The following IL1RAPL2 variants were observed in gnomAD, a reference collection of about 807,000 sequenced individuals.
The protein encoded by IL1RAPL2 is X-linked interleukin-1 receptor accessory protein-like 2.
In IL1RAPL2, 3 loss-of-function variants were observed where a neutral mutation model predicts 44.1. That is an observed-to-expected ratio of 0.07 (90% CI 0.03 to 0.18). The LOEUF is 0.18. IL1RAPL2 is among the 10% of genes least tolerant of loss of function. IL1RAPL2 has a pLI of 1.00. For synonymous variants in IL1RAPL2, 181 were observed against 178.8 expected, an observed-to-expected ratio of 1.01 and a Z score of -0.10; for missense variants, 391 against 496.4, an observed-to-expected ratio of 0.79 and a Z score of 2.02.
At chrX:105,717,564 A>G in intron 7 of IL1RAPL2, 68 bp downstream of exon 7, 1 of 1,008,487 alleles carries the variant, frequency 9.9e-7, no homozygotes, top group Non-Finnish European at 1.3e-6. Flanking sequence ...TTTAATTGCA[A>G]CTCCAAATCA....
intron 1 of IL1RAPL2, among the ~76,000 whole-genome samples, chrX:104,635,493 A>G (rs965907196): frequency 9.0e-6 from 1 of 111,716 alleles, no homozygotes; most frequent in Non-Finnish European, 1.9e-5. Context: ...TCAGACGTAG[A>G]TTTAATCTTT....
intron 2 of IL1RAPL2, among the ~76,000 whole-genome samples, chrX:104,737,070 A>G (rs1025051479): frequency 8.9e-6 from 1 of 112,576 alleles, no homozygotes; most frequent in Non-Finnish European, 1.9e-5. Context: ...AATCAACGTC[A>G]TCCAGAACCA....
intron 6 of IL1RAPL2, among the ~76,000 whole-genome samples, chrX:105,536,783 A>T (rs1052896304): frequency 8.9e-6 from 1 of 112,114 alleles, no homozygotes; most frequent in Non-Finnish European, 1.9e-5. Context: ...GATGTATGAA[A>T]AATCATATTT....
intron 2 of IL1RAPL2, among the ~76,000 whole-genome samples, chrX:104,787,406 C>T (rs189112664): frequency 3.7e-3 from 412 of 111,174 alleles, no homozygotes; most frequent in African/African-American, 0.013. Flanking sequence ...TGGGCTAAGT[C>T]TTTACTTTGT....
At chrX:105,013,427 A>T (rs1234463159) in intron 2 of IL1RAPL2, among the ~76,000 whole-genome samples, 1 of 110,630 alleles carries the variant, frequency 9.0e-6, no homozygotes, top group Non-Finnish European at 1.9e-5. Context: ...ATGTAGAGGA[A>T]CTGCATTGAA....
chrX:105,479,593 GC>G (rs2036220638), intron 5 of IL1RAPL2, among the ~76,000 whole-genome samples: 1 of 108,751 alleles, frequency 9.2e-6, no homozygotes, highest in Non-Finnish European at 1.9e-5. Flanking sequence ...TACAAAATTA[GC>G]CGGGCGTGGT....
At chrX:105,049,123 A>C (rs2031882553) in intron 2 of IL1RAPL2, among the ~76,000 whole-genome samples, 1 of 109,925 alleles carries the variant, frequency 9.1e-6, no homozygotes, top group Non-Finnish European at 1.9e-5. Flanking sequence ...AGAGTACTGA[A>C]AATTCAGTCA....
chrX:104,915,728 C>G (rs977172410), intron 2 of IL1RAPL2, among the ~76,000 whole-genome samples: 22 of 111,693 alleles, frequency 2.0e-4, no homozygotes, highest in Admixed American at 1.0e-3. Context: ...TTTAATCCAT[C>G]TTGAGTTAAT....
chrX:104,901,702 C>A (rs1923823727), intron 2 of IL1RAPL2, among the ~76,000 whole-genome samples: 2 of 111,224 alleles, frequency 1.8e-5, no homozygotes, highest in African/African-American at 3.3e-5. Flanking sequence ...ACAAGAAAGA[C>A]CTGGTTTCAA....
intron 2 of IL1RAPL2, among the ~76,000 whole-genome samples, chrX:104,860,972 T>C (rs1922476485): frequency 1.8e-5 from 2 of 111,369 alleles, no homozygotes; most frequent in Non-Finnish European, 3.8e-5. Context: ...TTTGACTTTG[T>C]CCTTGGTGCA....
At chrX:104,814,894 G>A (rs759715866) in intron 2 of IL1RAPL2, among the ~76,000 whole-genome samples, 10 of 111,961 alleles carry the variant, frequency 8.9e-5, no homozygotes, top group Non-Finnish European at 1.9e-4. Flanking sequence ...AATAATAGGG[G>A]AGGACAGCAA....
intron 4 of IL1RAPL2, among the ~76,000 whole-genome samples, chrX:105,261,478 T>A (rs777047005): frequency 2.7e-5 from 3 of 110,530 alleles, no homozygotes; most frequent in African/African-American, 1.0e-4. Flanking sequence ...CAGGCTGTTT[T>A]TTTGTTTGTT....
chrX:105,633,138 A>G (rs1192729799), intron 6 of IL1RAPL2, among the ~76,000 whole-genome samples: 2 of 112,010 alleles, frequency 1.8e-5, no homozygotes. Context: ...CTGCTTCTAC[A>G]TTCCCATTTT....
chrX:105,174,445 AGCAGGGAGG>A (rs2033454015), intron 2 of IL1RAPL2, among the ~76,000 whole-genome samples: 1 of 111,167 alleles, frequency 9.0e-6, no homozygotes, highest in Admixed American at 9.6e-5. Context: ...TTTTCCTTTG[AGCAGGGAGG>A]GCAGGGAGGG....
chrX:105,393,253 C>T (rs765184803), intron 5 of IL1RAPL2, among the ~76,000 whole-genome samples: 106 of 109,765 alleles, frequency 9.7e-4, no homozygotes, highest in African/African-American at 3.4e-3. Flanking sequence ...TGCACTGAGT[C>T]GTCTTCTGGG....
intron 6 of IL1RAPL2, among the ~76,000 whole-genome samples, chrX:105,714,247 C>G (rs1195331542): frequency 2.7e-5 from 3 of 111,844 alleles, no homozygotes; most frequent in African/African-American, 6.5e-5. Flanking sequence ...AAAGATCAGA[C>G]TTTCCCTACA....
At chrX:105,307,334 G>A (rs2034747505) in intron 5 of IL1RAPL2, among the ~76,000 whole-genome samples, 1 of 91,855 alleles carries the variant, frequency 1.1e-5, no homozygotes, top group East Asian at 3.5e-4. Context: ...TACTTGGGAA[G>A]CTGAGGAGGG....
rs1387907561 is a variant in IL1RAPL2, at chrX:104,582,596, T to TTCTTTCTTTCTTTC, written c.-20+15546_-20+15547insCTTTCTTTCTTTCT. ...TCTTTCTTTTTCTTTCTTTCTTTCTTTTTCTTTCTTTCTTTCTTTCTTTCT... is the reference window on the plus strand; with the variant it reads ...TCTTTCTTTTTCTTTCTTTCTTTCTTTCTTTCTTTCTTTCTTTCTTTCTTTCTTTCTTTCTTTCT... On this transcript the variant is annotated intron_variant, in intron 1 of 10. Transcript: ENST00000372582. 2.0e-3 allele frequency among the ~76,000 whole-genome samples: 103 copies of TTCTTTCTTTCTTTC among 52,189 alleles called. 1 individual carries two copies. The highest frequency in any genetic ancestry group is 6.7e-3 in the African/African-American group (98 of 14,568). The allele number at this position is 52,189 out of a possible 115,157, so 45.3% of individuals were successfully genotyped here. A position where few individuals can be genotyped will look rare whatever the true frequency, so the allele number is the denominator to read the frequency against.
intron 5 of IL1RAPL2, among the ~76,000 whole-genome samples, chrX:105,385,581 G>GA (rs757548971): frequency 1.6e-4 from 18 of 110,937 alleles, no homozygotes; most frequent in South Asian, 3.7e-4. Context: ...AATGAGAACA[G>GA]AAAAAAGGCT....
Sources: allele counts gnomAD v4.1 joint callset (sites outside exome capture counted in the v4.1 genomes callset), GRCh38; gene constraint gnomAD v4.1.1; transcripts MANE v1.5; gene names NCBI Gene and HGNC (gene_info 2026-07-23, HGNC 2026-07-21).